Variants in NCKIPSD observed in about 807,000 individuals in gnomAD.
NCKIPSD encodes the protein NCK interacting protein with SH3 domain.
In NCKIPSD, 48 loss-of-function variants were observed where a neutral mutation model predicts 73.4. The observed-to-expected ratio is 0.65, with a 90% CI of 0.52 to 0.83. The LOEUF (loss-of-function observed/expected upper bound fraction) is 0.83. NCKIPSD is among the 40% of genes least tolerant of loss of function. The probability of loss-of-function intolerance (pLI) is 0.00; values close to 1 mark genes in which losing one functional copy is unlikely to be tolerated. For missense variants in NCKIPSD, 884 were observed against 970.2 expected, an observed-to-expected ratio of 0.91 and a Z score of 1.18; for synonymous variants, 422 against 403.6, an observed-to-expected ratio of 1.05 and a Z score of -0.54.
chr3:48,684,560 G>A (rs1196780895), intron 1 of NCKIPSD, among the ~76,000 whole-genome samples: 3 of 152,194 alleles, frequency 2.0e-5, no homozygotes, highest in African/African-American at 7.2e-5. Context: ...AATTTATCCC[G>A]TTATTTCTGT....
Position 48,682,354 on chromosome 3 carries a change from G to A in NCKIPSD, c.480C>T (p.Leu160=). ...CGATGTCCTCCCCACACACCTGGTA[G>A]AGGCCTCCATCTGCCCCAAGATGCT... ...SSEHLGADGG[L]YQIPLPSSQI... The change falls in exon 3 of 13, where the codon CTC becomes CTT. Residue 160 remains leucine, a synonymous_variant. Transcript: ENST00000294129. 2 of 1,614,008 alleles carry A rather than the reference G, an allele frequency of 1.2e-6. No homozygotes were observed. The highest frequency in any genetic ancestry group is 1.7e-6 in the Non-Finnish European group (2 of 1,179,960).
In NCKIPSD at chr3:48,682,404, G is replaced by A. The variant is rs531891821; in HGVS notation, c.430C>T (p.Arg144Trp). ...TCAGAACTGGGTAGGCTGTGCTGCC[G>A]CTCGAACCCAGCTCGACACACCCCA... ...PNGVCRAGFE[R>W]QHSLPSSEHL... Residue 144 changes from arginine (R) to tryptophan (W), a missense_variant, in exon 3 of 13, where the codon CGG (arginine) becomes TGG (tryptophan). Transcript: ENST00000294129. 3.0e-5 allele frequency: 48 copies of A among 1,614,112 alleles called. No homozygotes were observed. Among genetic ancestry groups the A allele is most frequent in the South Asian group, 1.9e-4 (17 of 91,074 alleles).
intron 12 of NCKIPSD, among the ~76,000 whole-genome samples, chr3:48,676,733 T>C (rs1208416493): frequency 6.6e-6 from 1 of 151,988 alleles, no homozygotes; most frequent in Non-Finnish European, 1.5e-5. Context: ...ACTCAAGTGA[T>C]CCTCCCACTT....
At position 48,682,098 on chromosome 3, in the gene NCKIPSD, G is replaced by C. The variant is rs775305129; in HGVS notation, c.545C>G (p.Pro182Arg). The C allele has an allele frequency of 3.1e-6, 5 of 1,601,628 alleles. No homozygotes were observed. The highest frequency in any genetic ancestry group is 4.2e-6 in the Non-Finnish European group (5 of 1,179,904). Residue 182 changes from proline (P) to arginine (R), a missense_variant, in exon 4 of 13, where the codon CCG (proline) becomes CGG (arginine). By Grantham distance (103) the Pro-to-Arg change is moderately radical. Coordinates refer to ENST00000294129, the MANE Select transcript of NCKIPSD (RefSeq NM_016453.4). ...PQPRRAAPTT[P>R]PPPVKRRDRE... ...GTCTCGGCGCTTCACTGGTGGGGGC[G>C]GTGTGGTGGGTGCTGCTCGGCGAGG...
chr3:48,680,251 T>C (rs2077329304), intron 5 of NCKIPSD, 22 bp from the exon 6 acceptor site: 4 of 1,589,206 alleles, frequency 2.5e-6, no homozygotes, highest in Non-Finnish European at 3.4e-6. Context: ...GGGCAAGGCA[T>C]GACTCAGCAC....
rs368939900 is a variant in NCKIPSD at position 48,678,667 on chromosome 3, A to G, written c.1862T>C (p.Val621Ala). The G allele has an allele frequency of 3.7e-6, 6 of 1,614,060 alleles. No homozygotes were observed. The African/African-American group carries it at 6.7e-5, about 18-fold the overall frequency. ...PHSVLKFLQD[V>A]FGSPATAAIF... is the part of the protein sequence containing the mutation. Reference sequence around the variant, plus strand: ...GGCAGCTGTGGCCGGGCTGCCAAACACGTCCTGCAGGAACTTGAGGACAGA... The same window carrying G: ...GGCAGCTGTGGCCGGGCTGCCAAACGCGTCCTGCAGGAACTTGAGGACAGA... Residue 621 changes from valine to alanine, a missense_variant, in exon 12 of 13, where the codon GTG becomes GCG. Physicochemically the swap from Val to Ala is moderately conservative, Grantham distance 64. Coordinates refer to ENST00000294129, the MANE Select transcript of NCKIPSD (RefSeq NM_016453.4).
At chr3:48,684,486 T>C (rs1029278664) in intron 1 of NCKIPSD, among the ~76,000 whole-genome samples, 2 of 151,982 alleles carry the variant, frequency 1.3e-5, no homozygotes, top group African/African-American at 4.8e-5. Flanking sequence ...ACGCCAAGGG[T>C]CTATGAGGAA....
intron 1 of NCKIPSD, among the ~76,000 whole-genome samples, chr3:48,684,108 C>G (rs537545156): frequency 6.6e-6 from 1 of 152,018 alleles, no homozygotes; most frequent in East Asian, 1.9e-4. Context: ...CAGAAAGAAA[C>G]AGAGCCAAAG....
rs895379441 is a variant in NCKIPSD, at chr3:48,679,730, C to T, written c.1351-17G>A. The T allele has an allele frequency of 9.3e-6, 15 of 1,613,996 alleles. No homozygotes were observed. In the African/African-American group the frequency reaches 1.3e-4, roughly 14 times the overall value. Reference sequence around the variant, plus strand: ...TCGGTGTTCCTGGCAGGGAACCCTGCGTGCTCAGTGCCTGGAACTCCCCCA... The same window carrying T: ...TCGGTGTTCCTGGCAGGGAACCCTGTGTGCTCAGTGCCTGGAACTCCCCCA... On this transcript the variant is annotated splice_polypyrimidine_tract_variant and intron_variant, in intron 7 of 12. Transcript: ENST00000294129.
chr3:48,685,314 G>A (rs1056637185), intron 1 of NCKIPSD, among the ~76,000 whole-genome samples: 2 of 152,004 alleles, frequency 1.3e-5, no homozygotes, highest in African/African-American at 4.8e-5. Flanking sequence ...GCCAGGATTC[G>A]GTGGGGCTCA....
intron 1 of NCKIPSD, among the ~76,000 whole-genome samples, chr3:48,684,266 T>C (rs563055989): frequency 6.6e-5 from 10 of 152,018 alleles, no homozygotes; most frequent in Non-Finnish European, 1.5e-4. Flanking sequence ...GATGGTAGCC[T>C]CTCTGCCCTC....
At chr3:48,674,892 G>A (rs1454191272) in intron 12 of NCKIPSD, 145 bp from the exon 13 acceptor site, 1 of 763,966 alleles carries the variant, frequency 1.3e-6, no homozygotes, top group Admixed American at 2.7e-5. Flanking sequence ...AATATACCTG[G>A]CACAGAATTG....
In NCKIPSD at chr3:48,680,212, C is replaced by A. The variant is rs761682046; in HGVS notation, c.1110G>T (p.Leu370=). 6.2e-7 allele frequency: 1 copy of A among 1,612,260 alleles called. No homozygotes were observed. Among genetic ancestry groups the A allele is most frequent in the East Asian group, 2.2e-5 (1 of 44,840 alleles). ...LVEGKDLSMA[L]PSGQVCHDQQ... is the part of the protein sequence containing the mutation. ...GGTCGTGGCAGACCTGCCCTGAGGG[C>A]AGGGCCATGCTGAGGTCCTAGAGGG... Residue 370 remains leucine, a synonymous_variant, in exon 6 of 13, where the codon CTG becomes CTT. Coordinates refer to ENST00000294129, the MANE Select transcript of NCKIPSD (RefSeq NM_016453.4).
chr3:48,685,595 GC>G, intron 1 of NCKIPSD, 41 bp downstream of exon 1: 1 of 1,497,428 alleles, frequency 6.7e-7, no homozygotes, highest in East Asian at 2.7e-5. Flanking sequence ...AAGGGGTCCT[GC>G]CCCAGGGGCG....
In NCKIPSD at chr3:48,679,194, GGC is replaced by G; in HGVS notation, c.1571-13_1571-12del. On this transcript the variant is annotated splice_polypyrimidine_tract_variant and intron_variant, in intron 9 of 12. Transcript: ENST00000294129. ...GCGTGCCCAGGTGCTCTGGGAGAGG[GGC>G]GCACAGAAGTCTGCAGCCCCATTCC... 6.2e-7 allele frequency: 1 copy of G among 1,613,666 alleles called. No homozygotes were observed. Among genetic ancestry groups the G allele is most frequent in the Non-Finnish European group, 8.5e-7 (1 of 1,179,866 alleles).
In NCKIPSD at chr3:48,685,889, C is replaced by T; in HGVS notation, c.-82G>A. 2 of 1,267,054 alleles carry T rather than the reference C, an allele frequency of 1.6e-6. No individual in the cohort carries two copies. Among genetic ancestry groups the T allele is most frequent in the Non-Finnish European group, 2.0e-6 (2 of 989,574 alleles). 78.5% of individuals were successfully genotyped at this position (1,267,054 alleles called of 1,614,324 possible). The stretch of plus-strand genomic sequence containing the variant: ...AGGCCGGGAGCGCCGAGCCGCGCCG[C>T]GGTTGTCCCGCCCCGTGACACACTA... On this transcript the variant is annotated 5_prime_UTR_variant, in exon 1 of 13. Transcript: ENST00000294129.
Position 48,682,885 on chromosome 3 carries a change from A to T in NCKIPSD, c.281+18T>A, listed in dbSNP as rs1203807973. ...CATGCTCACCGGGAGGTCCCACTTCACTCCCCTCAACACTCACTGGAGGAC... is the reference window on the plus strand; with the variant it reads ...CATGCTCACCGGGAGGTCCCACTTCTCTCCCCTCAACACTCACTGGAGGAC... On this transcript the variant is annotated intron_variant, in intron 2 of 12. Transcript: ENST00000294129. 5.9e-6 allele frequency: 9 copies of T among 1,536,584 alleles called. No homozygotes were observed. The African/African-American group carries it at 1.1e-4, about 19-fold the overall frequency.
chr3:48,680,068 C>T lies in NCKIPSD; in HGVS notation c.1254G>A (p.Leu418=). 6.2e-7 allele frequency: 1 copy of T among 1,611,362 alleles called. No homozygotes were observed. Residue 418 remains leucine, a synonymous_variant, in exon 6 of 13, where the codon CTG becomes CTA. Coordinates refer to ENST00000294129, the MANE Select transcript of NCKIPSD (RefSeq NM_016453.4). ...GVIRCYLEEL[L]HILTDADPEV... ...GGGACCCCACCCTTACCAGAATATGCAGCAGCTCCTCTAGGTAGCAGCGGA... is the reference window on the plus strand; with the variant it reads ...GGGACCCCACCCTTACCAGAATATGTAGCAGCTCCTCTAGGTAGCAGCGGA...
At chr3:48,682,700 T>C in intron 2 of NCKIPSD, 148 bp from the exon 3 acceptor site, 1 of 1,148,688 alleles carries the variant, frequency 8.7e-7, no homozygotes, top group Non-Finnish European at 1.2e-6. Flanking sequence ...CAGTACCCCA[T>C]ACTATCCTCA....
Sources: gnomAD v4.1 joint callset for allele counts (sites outside exome capture counted in the v4.1 genomes callset) on GRCh38, gnomAD v4.1.1 for gene constraint, MANE v1.5 for transcripts, NCBI Gene and HGNC (gene_info 2026-07-23, HGNC 2026-07-21) for gene names.